Variants in ZER1 observed in about 807,000 individuals in gnomAD.
ZER1 encodes protein zer-1 homolog.
ZER1 carries 11 observed loss-of-function variants against 78.8 expected under a neutral mutation model. That is an observed-to-expected ratio of 0.14 (90% CI 0.09 to 0.23). The LOEUF is 0.23. Ranked by LOEUF, ZER1 falls within the 10% of genes least tolerant of loss-of-function variation. The pLI, the probability that ZER1 is intolerant of heterozygous loss-of-function variation, is 1.00. For synonymous variants in ZER1, 400 were observed against 407.0 expected (o/e 0.98, Z 0.21); for missense variants, 588 against 996.9 (o/e 0.59, Z 5.52).
In ZER1 at chr9:128,754,824, A is replaced by G. The variant is rs921686587; in HGVS notation, c.158+584T>C. On this transcript the variant is annotated intron_variant, in intron 2 of 15. Coordinates refer to ENST00000291900, the MANE Select transcript of ZER1 (RefSeq NM_006336.4). The surrounding 1 kb of genome is among the most constrained non-coding windows in gnomAD (Gnocchi z 4.3). Reference sequence around the variant, plus strand: ...CACGTGTGAGCCACCATGCCTGGCCACCATCTGGGCCTGTAGATTGAACTC... The same window carrying G: ...CACGTGTGAGCCACCATGCCTGGCCGCCATCTGGGCCTGTAGATTGAACTC... 6.6e-6 allele frequency among the ~76,000 whole-genome samples: 1 copy of G among 151,858 alleles called. No individual in the cohort carries two copies. The highest frequency in any genetic ancestry group is 2.4e-5 in the African/African-American group (1 of 41,308).
intron 1 of ZER1, among the ~76,000 whole-genome samples, chr9:128,770,987 T>C (rs1478992778): frequency 2.0e-5 from 3 of 152,106 alleles, no homozygotes; most frequent in Non-Finnish European, 2.9e-5. Flanking sequence ...TTGGGTAACA[T>C]AGTGAGACCC....
chr9:128,762,780 C>T (rs1398268321), intron 1 of ZER1, among the ~76,000 whole-genome samples: 1 of 152,146 alleles, frequency 6.6e-6, no homozygotes, highest in East Asian at 1.9e-4. Flanking sequence ...ATGGCACCCT[C>T]GAGGGAAGGC....
intron 1 of ZER1, among the ~76,000 whole-genome samples, chr9:128,770,397 T>G (rs1200928951): frequency 6.6e-6 from 1 of 152,166 alleles, no homozygotes; most frequent in Non-Finnish European, 1.5e-5. Context: ...CCCAAAGTGC[T>G]GGGATTACAA....
In ZER1 at chr9:128,753,675, C is replaced by A; in HGVS notation, c.310-75G>T. The A allele has an allele frequency of 6.4e-7, 1 of 1,572,666 alleles. No homozygotes were observed. The highest frequency in any genetic ancestry group is 1.2e-5 in the South Asian group (1 of 85,958). ...CGGCCCCAGGCCTTGCCCTGGGCTA[C>A]AGGTGGGTTGGAAAGGGGGATGTGC... On this transcript the variant is annotated intron_variant, in intron 3 of 15. Coordinates refer to ENST00000291900, the MANE Select transcript of ZER1 (RefSeq NM_006336.4). This position sits in a 1 kb window ranked among gnomAD's most constrained non-coding sequence, Gnocchi z 7.5.
intron 1 of ZER1, among the ~76,000 whole-genome samples, chr9:128,763,463 CTGCTCACTCAGT>C (rs2132481107): frequency 6.6e-6 from 1 of 152,344 alleles, no homozygotes; most frequent in African/African-American, 2.4e-5. Context: ...CTCCCTGGAC[CTGCTCACTCAGT>C]CCCTGCTGAG....
At chr9:128,758,122 T>G (rs760933255) in intron 1 of ZER1, among the ~76,000 whole-genome samples, 4 of 116,968 alleles carry the variant, frequency 3.4e-5, no homozygotes, top group Non-Finnish European at 5.7e-5. Flanking sequence ...TTAGTTTAGG[T>G]TTTTTTTTTT....
chr9:128,740,159 C>A lies in ZER1; in HGVS notation c.1854-40G>T, dbSNP rs879040278. The A allele has an allele frequency of 4.7e-5, 73 of 1,547,978 alleles. No individual in the cohort carries two copies. Among genetic ancestry groups the A allele is most frequent in the Non-Finnish European group, 6.4e-5 (73 of 1,140,114 alleles). On this transcript the variant is annotated intron_variant, in intron 12 of 15. Transcript: ENST00000291900. This position sits in a 1 kb window ranked among gnomAD's most constrained non-coding sequence, Gnocchi z 4.4. Reference sequence around the variant, plus strand: ...ACAGAAAAATGGAGTCCCACTCCCCCAGTTTCTCTTCAGATACCAGCGGCA... The same window carrying A: ...ACAGAAAAATGGAGTCCCACTCCCCAAGTTTCTCTTCAGATACCAGCGGCA...
chr9:128,741,292 G>A (rs955385052), intron 11 of ZER1, among the ~76,000 whole-genome samples: 2 of 152,192 alleles, frequency 1.3e-5, no homozygotes, highest in African/African-American at 4.8e-5. Flanking sequence ...AACAACGGCC[G>A]AGGAGACAGG....
chr9:128,768,068 G>C (rs1193271643), intron 1 of ZER1, among the ~76,000 whole-genome samples: 1 of 152,236 alleles, frequency 6.6e-6, no homozygotes, highest in Non-Finnish European at 1.5e-5. Context: ...GCAGGAAGGT[G>C]GTAACCAATA....
Position 128,754,031 on chromosome 9 carries a change from C to T in ZER1, c.159-72G>A. 1.3e-6 allele frequency: 2 copies of T among 1,520,926 alleles called. No individual in the cohort carries two copies. Among genetic ancestry groups the T allele is most frequent in the Non-Finnish European group, 1.8e-6 (2 of 1,128,498 alleles). The allele number at this position is 1,520,926 out of a possible 1,614,324, so 94.2% of individuals were successfully genotyped here. On this transcript the variant is annotated intron_variant, in intron 2 of 15. Transcript: ENST00000291900. This position sits in a 1 kb window ranked among gnomAD's most constrained non-coding sequence, Gnocchi z 4.3. The stretch of plus-strand genomic sequence containing the variant: ...CATCCTCGCTTCAAAGCCAAGCCCT[C>T]CTCCCCCTGAAGCTTTCTTGGATCA...
chr9:128,761,506 C>T (rs1378551692), intron 1 of ZER1, among the ~76,000 whole-genome samples: 6 of 132,896 alleles, frequency 4.5e-5, no homozygotes, highest in Non-Finnish European at 9.5e-5. Flanking sequence ...AGGCTGGTCT[C>T]GAACTCCTGA....
chr9:128,732,275 G>A lies in ZER1; in HGVS notation c.2244-881C>T, dbSNP rs553702484. ...TTACCCAGTGCTTCTCAAATTTCCC[G>A]GGAATCCTTGTTAACCATGAAAATT... is the stretch of plus-strand genomic sequence containing the variant. On this transcript the variant is annotated intron_variant, in intron 15 of 15. Transcript: ENST00000291900. The surrounding 1 kb of genome is among the most constrained non-coding windows in gnomAD (Gnocchi z 4.8). Among the ~76,000 whole-genome samples, 6 of 152,246 alleles carry A rather than the reference G, an allele frequency of 3.9e-5. No individual in the cohort carries two copies. The highest frequency in any genetic ancestry group is 1.9e-4 in the East Asian group (1 of 5,194).
intron 8 of ZER1, among the ~76,000 whole-genome samples, chr9:128,749,026 A>AAT (rs376684927): frequency 0.01 from 1,473 of 144,216 alleles, 23 homozygotes; most frequent in East Asian, 0.032. Flanking sequence ...TCTTAATTAA[A>AAT]ATATATATAT....
chr9:128,757,288 G>A (rs1863887775), intron 1 of ZER1, among the ~76,000 whole-genome samples: 1 of 152,144 alleles, frequency 6.6e-6, no homozygotes, highest in Non-Finnish European at 1.5e-5. Context: ...GGAGCCAGAG[G>A]TGGGCAAATT....
chr9:128,758,382 T>C (rs1399076598), intron 1 of ZER1, among the ~76,000 whole-genome samples: 1 of 152,006 alleles, frequency 6.6e-6, no homozygotes, highest in Non-Finnish European at 1.5e-5. Flanking sequence ...CGCCTTGGCC[T>C]CCCAAAGTGC....
chr9:128,734,746 C>T (rs1475300861), intron 14 of ZER1, among the ~76,000 whole-genome samples: 1 of 151,922 alleles, frequency 6.6e-6, no homozygotes, highest in African/African-American at 2.4e-5. Flanking sequence ...AGCCCTGTCT[C>T]TGGATATTCT....
chr9:128,754,351 G>A lies in ZER1; in HGVS notation c.159-392C>T, dbSNP rs1325257033. ...CAAGTAGTTCAGAGTTCCCAGCTGG[G>A]TACAGGACAAGCCCTTAATGAAGCC... is the stretch of plus-strand genomic sequence containing the variant. On this transcript the variant is annotated intron_variant, in intron 2 of 15. Coordinates refer to ENST00000291900, the MANE Select transcript of ZER1 (RefSeq NM_006336.4). The surrounding 1 kb of genome is among the most constrained non-coding windows in gnomAD (Gnocchi z 4.3). Among the ~76,000 whole-genome samples, 1 of 152,184 alleles carries A rather than the reference G, an allele frequency of 6.6e-6. No individual in the cohort carries two copies. Among genetic ancestry groups the A allele is most frequent in the Non-Finnish European group, 1.5e-5 (1 of 68,038 alleles).
At chr9:128,741,322 T>C (rs1589522214) in intron 11 of ZER1, among the ~76,000 whole-genome samples, 1 of 151,504 alleles carries the variant, frequency 6.6e-6, no homozygotes, top group Non-Finnish European at 1.5e-5. Flanking sequence ...TCCCTGGGAG[T>C]GGGGGCTCTC....
At position 128,753,396 on chromosome 9, in the gene ZER1, C is replaced by T. The variant is rs747367213; in HGVS notation, c.514G>A (p.Glu172Lys). 8 of 1,614,092 alleles carry T rather than the reference C, an allele frequency of 5.0e-6. No homozygotes were observed. Among genetic ancestry groups the T allele is most frequent in the South Asian group, 2.2e-5 (2 of 91,068 alleles). The change falls in exon 4 of 16, where the codon GAG becomes AAG. Residue 172 changes from glutamate (E) to lysine (K), a missense_variant. Glu to Lys is a moderately conservative substitution (Grantham distance 56). This residue lies in a region of ZER1 where 406 missense variants were observed against 660.1 expected (regional missense o/e 0.62). Transcript: ENST00000291900. The surrounding 1 kb of genome is among the most constrained non-coding windows in gnomAD (Gnocchi z 7.5). ...CQVLVKDFTF[E>K]GFSRLRFLNL... ...AGGAAGCGGAGGCGGCTGAAGCCCT[C>T]GAAGGTGAAATCCTTAACCAGCACC...
Sources: gnomAD v4.1 joint callset for allele counts (sites outside exome capture counted in the v4.1 genomes callset) on GRCh38, gnomAD v4.1.1 for gene constraint, gnomAD v4.1.1 regional missense constraint, Gnocchi (gnomAD v3.1) non-coding constraint, MANE v1.5 for transcripts, NCBI Gene and HGNC (gene_info 2026-07-23, HGNC 2026-07-21) for gene names.